The following ERI1 variants were observed in gnomAD, a reference collection of about 807,000 sequenced individuals.
ERI1 encodes the protein exoribonuclease 1, also known as 3'-5' exoribonuclease 1.
In ERI1, 39 loss-of-function variants were observed where a neutral mutation model predicts 39.7. The observed-to-expected ratio is 0.98, with a 90% CI of 0.76 to 1.28. ERI1 has a LOEUF of 1.28. ERI1 is among the 50% of genes most tolerant of loss of function. The pLI is 0.00. For missense variants in ERI1, 581 were observed against 416.9 expected (o/e 1.39, Z -3.43); for synonymous variants, 204 against 149.6 (o/e 1.36, Z -2.65).
intron 3 of ERI1, among the ~76,000 whole-genome samples, chr8:9,090,488 A>G (rs1799670478): frequency 6.6e-6 from 1 of 152,228 alleles, no homozygotes; most frequent in Non-Finnish European, 1.5e-5. Context: ...TTGGAAAAAA[A>G]TCTACATGAC....
intron 3 of ERI1, among the ~76,000 whole-genome samples, chr8:9,064,180 C>G (rs942389745): frequency 3.4e-5 from 5 of 147,982 alleles, no homozygotes; most frequent in Admixed American, 6.8e-5. Flanking sequence ...AATAAGGGAT[C>G]GGGGGGTTCT....
intron 3 of ERI1, among the ~76,000 whole-genome samples, chr8:9,041,022 G>A (rs150880323): frequency 2.2e-4 from 34 of 152,310 alleles, no homozygotes; most frequent in Non-Finnish European, 4.0e-4. Flanking sequence ...ACCGTTTTCA[G>A]TGCAGACAGC....
At chr8:9,072,761 CAG>C (rs1420634135) in intron 3 of ERI1, among the ~76,000 whole-genome samples, 1 of 152,126 alleles carries the variant, frequency 6.6e-6, no homozygotes, top group Admixed American at 6.5e-5. Flanking sequence ...TGCTAAGGAA[CAG>C]AGTGACCCCC....
chr8:9,070,911 C>T (rs1195088074), intron 3 of ERI1, among the ~76,000 whole-genome samples: 1 of 152,152 alleles, frequency 6.6e-6, no homozygotes, highest in African/African-American at 2.4e-5. Context: ...GTGGTGGCCC[C>T]AGGTGGCAGG....
chr8:9,098,796 C>A (rs1799959702), intron 3 of ERI1, among the ~76,000 whole-genome samples: 1 of 152,062 alleles, frequency 6.6e-6, no homozygotes, highest in Non-Finnish European at 1.5e-5. Context: ...TGACTTACAG[C>A]AAATTGCACA....
intron 6 of ERI1, among the ~76,000 whole-genome samples, chr8:9,022,118 T>C (rs886936531): frequency 6.6e-6 from 1 of 152,162 alleles, no homozygotes; most frequent in Non-Finnish European, 1.5e-5. Flanking sequence ...TTATCAGTGC[T>C]ATGTGAGTTT....
At chr8:9,085,959 G>C (rs1050102105) in intron 3 of ERI1, among the ~76,000 whole-genome samples, 17 of 152,094 alleles carry the variant, frequency 1.1e-4, no homozygotes, top group Non-Finnish European at 2.9e-5. Context: ...GCATAAGCAT[G>C]CATGTGTTGG....
intron 3 of ERI1, among the ~76,000 whole-genome samples, chr8:9,073,272 C>G (rs1282048427): frequency 6.6e-6 from 1 of 152,248 alleles, no homozygotes; most frequent in Non-Finnish European, 1.5e-5. Context: ...TAATCTGTCA[C>G]ATCGTCCCGA....
chr8:9,078,708 A>G (rs1799283118), intron 3 of ERI1, among the ~76,000 whole-genome samples: 1 of 152,216 alleles, frequency 6.6e-6, no homozygotes, highest in African/African-American at 2.4e-5. Flanking sequence ...GACCTGCTGA[A>G]TCAGTGACTC....
rs1460379555 is a variant in ERI1 at position 9,033,225 on chromosome 8, A to G, written c.*3191A>G. Reference sequence around the variant, plus strand: ...AAATCTGGCTGCTGCCTATTTTTGTATGGCCTACAAACTATGGTTTTTATA... The same window carrying G: ...AAATCTGGCTGCTGCCTATTTTTGTGTGGCCTACAAACTATGGTTTTTATA... On this transcript the variant is annotated 3_prime_UTR_variant, in exon 7 of 7. Transcript: ENST00000250263. 6.6e-6 allele frequency: 1 copy of G among 152,166 alleles called. No homozygotes were observed. Among genetic ancestry groups the G allele is most frequent in the Non-Finnish European group, 1.5e-5 (1 of 68,046 alleles). The allele number at this position is 152,166 out of a possible 1,614,324, so 9.4% of individuals were successfully genotyped here.
At chr8:9,037,780 G>A (rs1431995413), downstream of ERI1, among the ~76,000 whole-genome samples, 6 of 151,400 alleles carry the variant, frequency 4.0e-5, no homozygotes, top group South Asian at 2.1e-4. Flanking sequence ...GCTCTGTCTC[G>A]AGTAGAAATG....
Position 9,030,269 on chromosome 8 carries a change from TG to T in ERI1, c.*236del. 2.0e-6 allele frequency: 1 copy of T among 511,906 alleles called. No homozygotes were observed. The highest frequency in any genetic ancestry group is 3.0e-5 in the South Asian group (1 of 33,132). 31.7% of individuals were successfully genotyped at this position (511,906 alleles called of 1,614,324 possible). A position where few individuals can be genotyped will look rare whatever the true frequency, so the allele number is the denominator to read the frequency against. ...GTATTCGTTACATAGTAACAGTTCC[TG>T]CTTACAACTGAATTTTATAATTTAA... is the stretch of plus-strand genomic sequence containing the variant. On this transcript the variant is annotated 3_prime_UTR_variant, in exon 7 of 7. Transcript: ENST00000250263.
At chr8:9,041,376 G>C (rs1185436803) in intron 3 of ERI1, among the ~76,000 whole-genome samples, 1 of 152,130 alleles carries the variant, frequency 6.6e-6, no homozygotes, top group Non-Finnish European at 1.5e-5. Flanking sequence ...GGTGTGTTGA[G>C]GCATACACGC....
chr8:9,013,094 A>G (rs1816843140), intron 3 of ERI1, among the ~76,000 whole-genome samples: 1 of 151,794 alleles, frequency 6.6e-6, no homozygotes, highest in African/African-American at 2.4e-5. Context: ...AGCTGACTGC[A>G]ACCTCCACCT....
At chr8:9,069,008 A>C (rs112798709) in intron 3 of ERI1, among the ~76,000 whole-genome samples, 53 of 152,198 alleles carry the variant, frequency 3.5e-4, no homozygotes, top group African/African-American at 1.2e-3. Context: ...TATAGAGATG[A>C]GGGCCGCGCT....
chr8:9,045,746 G>T (rs530900781), intron 3 of ERI1, among the ~76,000 whole-genome samples: 4 of 148,770 alleles, frequency 2.7e-5, no homozygotes, highest in Non-Finnish European at 3.0e-5. Flanking sequence ...GCACAATCTC[G>T]GCTCACTGCG....
intron 3 of ERI1, chr8:9,096,972 T>C (rs151141354): frequency 9.8e-4 from 149 of 152,250 alleles, no homozygotes; most frequent in African/African-American, 3.4e-3. Context: ...ATTGCCTTTA[T>C]GATGGGAGTC....
At position 9,008,220 on chromosome 8, in the gene ERI1, A is replaced by G. The variant is rs986475672; in HGVS notation, c.287+72A>G. The G allele has an allele frequency of 4.8e-6, 6 of 1,252,226 alleles. No individual in the cohort carries two copies. In the African/African-American group the frequency reaches 9.2e-5, roughly 19 times the overall value. The allele number at this position is 1,252,226 out of a possible 1,614,324, so 77.6% of individuals were successfully genotyped here. A position where few individuals can be genotyped will look rare whatever the true frequency, so the allele number is the denominator to read the frequency against. ...TTTAGAAAATCTTGAAAACATTGAA[A>G]TATTAAAAATCATCTGTAATCCTAC... is the stretch of plus-strand genomic sequence containing the variant. On this transcript the variant is annotated intron_variant, in intron 2 of 6. Transcript: ENST00000250263.
At chr8:9,006,837 T>A (rs538940291) in intron 1 of ERI1, among the ~76,000 whole-genome samples, 1 of 152,234 alleles carries the variant, frequency 6.6e-6, no homozygotes, top group South Asian at 2.1e-4. Flanking sequence ...TTCCAGTAAA[T>A]GTGTGTTGCA....
Sources: allele counts gnomAD v4.1 joint callset (sites outside exome capture counted in the v4.1 genomes callset), GRCh38; gene constraint gnomAD v4.1.1; transcripts MANE v1.5; gene names NCBI Gene and HGNC (gene_info 2026-07-23, HGNC 2026-07-21).